CD48: variants seen among roughly 807,000 people sequenced by gnomAD.
CD48 encodes the protein CD48 molecule, also known as CD48 antigen.
A neutral mutation model predicts 22.0 loss-of-function variants in CD48; 20 were observed. The observed-to-expected ratio is 0.91, with a 90% CI of 0.64 to 1.32. The LOEUF (loss-of-function observed/expected upper bound fraction) is 1.32, where lower values mean the gene tolerates loss of function less well. Among genes scored for constraint, CD48 ranks in the 40% most tolerant of loss-of-function variants. The probability of loss-of-function intolerance (pLI) is 0.00; values close to 1 mark genes in which losing one functional copy is unlikely to be tolerated. For synonymous variants in CD48, 110 were observed against 110.1 expected, an observed-to-expected ratio of 1.00 and a Z score of 0.01; for missense variants, 307 against 286.5, an observed-to-expected ratio of 1.07 and a Z score of -0.52.
intron 1 of CD48, among the ~76,000 whole-genome samples, chr1:160,693,643 TA>T (rs1485009690): frequency 1.3e-5 from 2 of 152,284 alleles, no homozygotes; most frequent in Non-Finnish European, 2.9e-5. Context: ...GTCCAAGATG[TA>T]AAAAAGGAAA....
intron 1 of CD48, among the ~76,000 whole-genome samples, chr1:160,702,052 C>T (rs927341899): frequency 2.6e-5 from 4 of 152,098 alleles, no homozygotes; most frequent in African/African-American, 9.7e-5. Context: ...ACTGACTCAC[C>T]AGACGCAATG....
chr1:160,705,978 G>T (rs1441031037), intron 1 of CD48, among the ~76,000 whole-genome samples: 1 of 152,052 alleles, frequency 6.6e-6, no homozygotes. Context: ...GGTCATCTTT[G>T]GCAGACTCCC....
intron 1 of CD48, among the ~76,000 whole-genome samples, chr1:160,686,056 G>A (rs1173395243): frequency 6.6e-6 from 1 of 152,124 alleles, no homozygotes; most frequent in African/African-American, 2.4e-5. Context: ...TCTAGAATGG[G>A]GGTCTTATGA....
chr1:160,680,478 T>A, intron 3 of CD48: 1 of 613,440 alleles, frequency 1.6e-6, no homozygotes, highest in Non-Finnish European at 2.0e-6. Context: ...GGAAGCTAAG[T>A]AACTTGTTTA....
chr1:160,685,944 T>C (rs73012295), intron 1 of CD48, among the ~76,000 whole-genome samples: 28 of 152,328 alleles, frequency 1.8e-4, no homozygotes, highest in Middle Eastern at 3.4e-3. Flanking sequence ...TGAATGCCAA[T>C]AGACTGACTG....
intron 1 of CD48, among the ~76,000 whole-genome samples, chr1:160,703,038 C>A (rs1662682985): frequency 6.6e-6 from 1 of 152,124 alleles, no homozygotes; most frequent in South Asian, 2.1e-4. Flanking sequence ...ATCCCAAGCT[C>A]TCATACACAC....
At chr1:160,684,852 G>A in intron 2 of CD48, 35 bp downstream of exon 2, 1 of 1,613,998 alleles carries the variant, frequency 6.2e-7, no homozygotes, top group Non-Finnish European at 8.5e-7. Flanking sequence ...GGGGCCACTG[G>A]AGTGGGGATT....
intron 1 of CD48, among the ~76,000 whole-genome samples, chr1:160,710,487 A>G (rs1662915407): frequency 6.6e-6 from 1 of 152,194 alleles, no homozygotes; most frequent in South Asian, 2.1e-4. Context: ...GATTGTTTCA[A>G]AGAAGAATAA....
At chr1:160,709,144 G>A (rs1380704853) in intron 1 of CD48, among the ~76,000 whole-genome samples, 3 of 152,070 alleles carry the variant, frequency 2.0e-5, no homozygotes, top group Admixed American at 2.0e-4. Context: ...TATTGTGGCA[G>A]CTTGTTAAAT....
At position 160,679,015 on chromosome 1, in the gene CD48, T is replaced by C; in HGVS notation, c.*37A>G. 1 of 1,502,064 alleles carries C rather than the reference T, an allele frequency of 6.7e-7. No homozygotes were observed. The highest frequency in any genetic ancestry group is 9.3e-7 in the Non-Finnish European group (1 of 1,077,808). 93.0% of individuals were successfully genotyped at this position (1,502,064 alleles called of 1,614,324 possible). ...ATGATCACCAACAGGCAAGATCTTC[T>C]GGCCTTGAAGTTTCGCTTGAGTTAA... On this transcript the variant is annotated 3_prime_UTR_variant, in exon 4 of 4. Transcript: ENST00000368046.
chr1:160,681,358 A>C lies in CD48; in HGVS notation c.496T>G (p.Tyr166Asp), dbSNP rs747253120. The C allele has an allele frequency of 1.9e-6, 3 of 1,614,158 alleles. No homozygotes were observed. In the East Asian group the frequency reaches 6.7e-5, roughly 36 times the overall value. Reference protein sequence around the residue: ...IPGESVNYTWYGDKRPFPKEL... With the variant: ...IPGESVNYTWDGDKRPFPKEL... Reference sequence around the variant, plus strand: ...TTTGGGAAGGGCCTTTTGTCCCCATACCAGGTGTAGTTTACAGACTCGCCA... The same window carrying C: ...TTTGGGAAGGGCCTTTTGTCCCCATCCCAGGTGTAGTTTACAGACTCGCCA... The change falls in exon 3 of 4, where the codon TAT becomes GAT. Residue 166 changes from tyrosine to aspartate, a missense_variant. Transcript: ENST00000368046.
chr1:160,703,605 C>A (rs575147097), intron 1 of CD48, among the ~76,000 whole-genome samples: 1 of 152,118 alleles, frequency 6.6e-6, no homozygotes. Flanking sequence ...GGTGAAAAAA[C>A]GTAAGCAATC....
At chr1:160,691,786 G>T (rs1662229476) in intron 1 of CD48, 1 of 369,310 alleles carries the variant, frequency 2.7e-6, no homozygotes, top group Non-Finnish European at 4.8e-6. Flanking sequence ...TTTCTCTGGG[G>T]TGAAGGTACA....
chr1:160,699,267 G>T (rs1169946245), intron 1 of CD48: 5 of 157,058 alleles, frequency 3.2e-5, no homozygotes, highest in African/African-American at 1.2e-4. Flanking sequence ...TTGTTAAACA[G>T]ATGCTTGAAG....
rs759754082 is a variant in CD48 at position 160,711,736 on chromosome 1, G to A, written c.28C>T (p.Leu10=). The part of the protein sequence containing the change: MCSRGWDSC[L]ALELLLLPLS... ...GGCAGCAGTAGCAATTCCAGAGCCA[G>A]ACACGAATCCCAACCTCTGGAGCAC... is the stretch of plus-strand genomic sequence containing the variant. The change falls in exon 1 of 4, where the codon CTG becomes TTG. Residue 10 remains leucine (L), a synonymous_variant. Coordinates refer to ENST00000368046, the MANE Select transcript of CD48 (RefSeq NM_001778.4). 2 of 1,613,682 alleles carry A rather than the reference G, an allele frequency of 1.2e-6. No individual in the cohort carries two copies. The highest frequency in any genetic ancestry group is 1.7e-6 in the Non-Finnish European group (2 of 1,179,700).
At chr1:160,709,352 C>T (rs938317804) in intron 1 of CD48, among the ~76,000 whole-genome samples, 8 of 152,112 alleles carry the variant, frequency 5.3e-5, no homozygotes, top group African/African-American at 1.9e-4. Context: ...AGCAATTGCA[C>T]ATTTTTTATT....
Position 160,679,117 on chromosome 1 carries a change from C to T in CD48, c.667G>A (p.Val223Ile). The T allele has an allele frequency of 1.2e-6, 2 of 1,614,094 alleles. No homozygotes were observed. The highest frequency in any genetic ancestry group is 8.5e-7 in the Non-Finnish European group (1 of 1,179,946). ...ACTAGCCAACTTGCAATCCATTCTA[C>T]TCCAAAGGACCGGGCTGAAAGAGCA... is the stretch of plus-strand genomic sequence containing the variant. The part of the protein sequence containing the change: ...PPCTLARSFG[V>I]EWIASWLVVT... Residue 223 changes from valine (V) to isoleucine (I), a missense_variant, in exon 4 of 4, where the codon GTA (valine) becomes ATA (isoleucine). Val to Ile is a conservative substitution (Grantham distance 29, BLOSUM62 3). Transcript: ENST00000368046.
At chr1:160,708,711 G>A (rs1480523012) in intron 1 of CD48, among the ~76,000 whole-genome samples, 2 of 152,102 alleles carry the variant, frequency 1.3e-5, no homozygotes, top group Non-Finnish European at 2.9e-5. Flanking sequence ...CAGTAGGTTT[G>A]GGGGAAGAAG....
chr1:160,701,504 A>G (rs1474777516), intron 1 of CD48, among the ~76,000 whole-genome samples: 1 of 152,066 alleles, frequency 6.6e-6, no homozygotes, highest in Non-Finnish European at 1.5e-5. Flanking sequence ...AGTGGCTGCC[A>G]CTAAAAAGAA....
Sources: gnomAD v4.1 joint callset for allele counts (sites outside exome capture counted in the v4.1 genomes callset) on GRCh38, gnomAD v4.1.1 for gene constraint, MANE v1.5 for transcripts, NCBI Gene and HGNC (gene_info 2026-07-23, HGNC 2026-07-21) for gene names.